The following RUNX1 variants were observed in gnomAD, a reference collection of about 807,000 sequenced individuals.
The protein encoded by RUNX1 is RUNX family transcription factor 1, also known as runt-related transcription factor 1.
In RUNX1, 19 loss-of-function variants were observed where a neutral mutation model predicts 42.8. The ratio of observed to expected loss-of-function variants is 0.44; its 90% CI spans 0.31 to 0.65. The LOEUF (loss-of-function observed/expected upper bound fraction) is 0.65, where lower values mean the gene tolerates loss of function less well. RUNX1 is among the 30% of genes least tolerant of loss of function. The probability of loss-of-function intolerance (pLI) is 0.07; values close to 1 mark genes in which losing one functional copy is unlikely to be tolerated. For synonymous variants in RUNX1, 271 were observed against 289.4 expected (o/e 0.94, Z 0.64); for missense variants, 528 against 672.0 (o/e 0.79, Z 2.37).
intron 2 of RUNX1, among the ~76,000 whole-genome samples, chr21:34,937,670 T>G (rs1369931748): frequency 6.6e-6 from 1 of 151,210 alleles, no homozygotes; most frequent in African/African-American, 2.4e-5. Context: ...CTTTTATACC[T>G]GCTTCTATGA....
At chr21:34,991,067 A>C (rs1234612897) in intron 2 of RUNX1, among the ~76,000 whole-genome samples, 1 of 152,244 alleles carries the variant, frequency 6.6e-6, no homozygotes, top group East Asian at 1.9e-4. Context: ...CCAGGGGGTT[A>C]GAGAATCACT....
intron 2 of RUNX1, among the ~76,000 whole-genome samples, chr21:35,015,063 G>A (rs2059150269): frequency 6.6e-6 from 1 of 152,230 alleles, no homozygotes; most frequent in Non-Finnish European, 1.5e-5. Context: ...AACAGCTGAT[G>A]GAGAAGAGGC....
At chr21:34,974,399 A>G (rs1201516865) in intron 2 of RUNX1, among the ~76,000 whole-genome samples, 2 of 125,904 alleles carry the variant, frequency 1.6e-5, no homozygotes, top group Non-Finnish European at 3.1e-5. Flanking sequence ...CGAAACCGTG[A>G]AAAAAAAAAA....
At chr21:35,025,525 CCTT>C (rs1300671536) in intron 2 of RUNX1, among the ~76,000 whole-genome samples, 1 of 152,230 alleles carries the variant, frequency 6.6e-6, no homozygotes, top group Non-Finnish European at 1.5e-5. Flanking sequence ...CCAGCTCTCT[CCTT>C]CTTCCCTAAG....
intron 2 of RUNX1, among the ~76,000 whole-genome samples, chr21:34,934,877 A>G (rs2058473994): frequency 6.6e-6 from 1 of 152,048 alleles, no homozygotes; most frequent in Admixed American, 6.6e-5. Flanking sequence ...TAGGTTGAAG[A>G]CTTTCAGCTA....
chr21:34,937,559 C>T (rs751869698), intron 2 of RUNX1, among the ~76,000 whole-genome samples: 6 of 151,928 alleles, frequency 3.9e-5, no homozygotes, highest in Non-Finnish European at 5.9e-5. Flanking sequence ...TATGTGAAGT[C>T]GCTCTAAATA....
chr21:34,809,534 T>C (rs575629784), intron 7 of RUNX1, among the ~76,000 whole-genome samples: 21 of 152,104 alleles, frequency 1.4e-4, no homozygotes, highest in Non-Finnish European at 2.2e-4. Flanking sequence ...GAACACTCCA[T>C]TGAGGTGGCA....
chr21:34,871,458 C>G (rs117657409), intron 5 of RUNX1, among the ~76,000 whole-genome samples: 1 of 152,162 alleles, frequency 6.6e-6, no homozygotes, highest in Admixed American at 6.5e-5. Context: ...AGCAAGGAAA[C>G]GGACAAACAA....
chr21:34,809,104 C>A (rs1268652262), intron 7 of RUNX1, among the ~76,000 whole-genome samples: 1 of 152,180 alleles, frequency 6.6e-6, no homozygotes, highest in Non-Finnish European at 1.5e-5. Context: ...TTCTGCACCT[C>A]TGCCCCCCGT....
intron 7 of RUNX1, among the ~76,000 whole-genome samples, chr21:34,826,226 A>G (rs2056985205): frequency 6.6e-6 from 1 of 152,152 alleles, no homozygotes; most frequent in South Asian, 2.1e-4. Flanking sequence ...CTGCCCTCAT[A>G]AATGGATTAA....
At chr21:34,801,288 T>G (rs2056603958) in intron 7 of RUNX1, among the ~76,000 whole-genome samples, 1 of 152,108 alleles carries the variant, frequency 6.6e-6, no homozygotes, top group African/African-American at 2.4e-5. Context: ...AATTCACGCC[T>G]TGTTGTGTAG....
chr21:34,837,879 G>A (rs2057171819), intron 6 of RUNX1, among the ~76,000 whole-genome samples: 1 of 151,968 alleles, frequency 6.6e-6, no homozygotes, highest in Non-Finnish European at 1.5e-5. Flanking sequence ...AGTTGAAAAA[G>A]GTCCTAAATT....
At chr21:34,871,633 G>A (rs942654951) in intron 5 of RUNX1, among the ~76,000 whole-genome samples, 3 of 152,092 alleles carry the variant, frequency 2.0e-5, no homozygotes, top group Non-Finnish European at 2.9e-5. Context: ...TGACATGCTG[G>A]GGCAGGTGGG....
chr21:34,829,026 T>A (rs1344960431), intron 7 of RUNX1, among the ~76,000 whole-genome samples: 1 of 152,194 alleles, frequency 6.6e-6, no homozygotes, highest in Non-Finnish European at 1.5e-5. Flanking sequence ...GGTCCTAGGA[T>A]CTGCTAGTAT....
intron 2 of RUNX1, among the ~76,000 whole-genome samples, chr21:34,960,619 T>C (rs1239403261): frequency 6.6e-6 from 1 of 152,236 alleles, no homozygotes; most frequent in Non-Finnish European, 1.5e-5. Context: ...ATTCTGAGAC[T>C]TGCCCAGCCT....
At chr21:34,928,332 A>G (rs2146582441) in intron 2 of RUNX1, among the ~76,000 whole-genome samples, 1 of 152,258 alleles carries the variant, frequency 6.6e-6, no homozygotes, top group South Asian at 2.1e-4. Context: ...TGGCCATACT[A>G]CCAAAAAGAA....
chr21:34,893,181 C>T (rs1031789849), intron 2 of RUNX1, among the ~76,000 whole-genome samples: 2 of 152,128 alleles, frequency 1.3e-5, no homozygotes, highest in African/African-American at 4.8e-5. Flanking sequence ...CCAATGTTCT[C>T]CTTCACTAGC....
intron 7 of RUNX1, among the ~76,000 whole-genome samples, chr21:34,812,910 A>G (rs1046058037): frequency 1.3e-5 from 2 of 152,202 alleles, no homozygotes; most frequent in Non-Finnish European, 1.5e-5. Context: ...TTGCTCAACA[A>G]GAGGGATGAC....
intron 7 of RUNX1, among the ~76,000 whole-genome samples, chr21:34,815,633 C>G (rs531479377): frequency 4.6e-5 from 7 of 152,138 alleles, no homozygotes; most frequent in Non-Finnish European, 8.8e-5. Context: ...GGAGGCCACA[C>G]AGGGGCACAT....
Sources: allele counts gnomAD v4.1 joint callset (sites outside exome capture counted in the v4.1 genomes callset), GRCh38; gene constraint gnomAD v4.1.1; transcripts MANE v1.5; gene names NCBI Gene and HGNC (gene_info 2026-07-23, HGNC 2026-07-21).